Variants in CLPB observed in about 807,000 individuals in gnomAD.
CLPB encodes mitochondrial disaggregase.
CLPB carries 40 observed loss-of-function variants against 78.4 expected under a neutral mutation model. That is an observed-to-expected ratio of 0.51 (90% CI 0.40 to 0.66). The LOEUF is 0.66. CLPB is among the 30% of genes least tolerant of loss of function. The pLI is 0.00. For synonymous variants in CLPB, 333 were observed against 348.0 expected (o/e 0.96, Z 0.48); for missense variants, 780 against 886.9 (o/e 0.88, Z 1.53).
At chr11:72,315,630 C>A (rs1158737969) in intron 7 of CLPB, among the ~76,000 whole-genome samples, 7 of 152,204 alleles carry the variant, frequency 4.6e-5, no homozygotes, top group Admixed American at 3.9e-4. Context: ...CCAGCACTTA[C>A]CAGGGGTTGA....
chr11:72,354,267 G>A (rs1487319777), intron 5 of CLPB: 3 of 365,708 alleles, frequency 8.2e-6, no homozygotes, highest in Admixed American at 4.7e-5. Context: ...TTCCAAAGAT[G>A]TGTGTGTGTG....
chr11:72,295,408 C>T, intron 12 of CLPB, 84 bp downstream of exon 12: 3 of 1,475,422 alleles, frequency 2.0e-6, no homozygotes, highest in Admixed American at 1.8e-5. Context: ...TTCACCTGGG[C>T]CCAGGGCCCC....
At chr11:72,374,400 G>A (rs1951101717) in intron 4 of CLPB, among the ~76,000 whole-genome samples, 1 of 152,172 alleles carries the variant, frequency 6.6e-6, no homozygotes. Context: ...TCAGATATCT[G>A]GTACTGAAGC....
intron 6 of CLPB, among the ~76,000 whole-genome samples, chr11:72,328,133 C>T (rs1351802065): frequency 6.6e-6 from 1 of 152,134 alleles, no homozygotes; most frequent in Non-Finnish European, 1.5e-5. Context: ...GAAAAGGATC[C>T]TCCTTCTAGG....
intron 3 of CLPB, among the ~76,000 whole-genome samples, chr11:72,390,127 T>C (rs1412888867): frequency 3.3e-5 from 5 of 152,080 alleles, no homozygotes; most frequent in African/African-American, 7.2e-5. Flanking sequence ...CAGGCTTTGA[T>C]AGAAATGCTA....
chr11:72,388,647 C>T (rs554272405), intron 3 of CLPB, among the ~76,000 whole-genome samples: 9 of 152,124 alleles, frequency 5.9e-5, no homozygotes, highest in Non-Finnish European at 1.0e-4. Context: ...CCAACAGTGG[C>T]GTCAAACACC....
chr11:72,336,810 TGAGA>T (rs201566339), intron 5 of CLPB: 5 of 334,916 alleles, frequency 1.5e-5, no homozygotes, highest in South Asian at 1.5e-4. Flanking sequence ...AAGGAAACAT[TGAGA>T]GAGAGAGTGG....
At chr11:72,349,645 T>C (rs947136835) in intron 5 of CLPB, among the ~76,000 whole-genome samples, 1 of 152,390 alleles carries the variant, frequency 6.6e-6, no homozygotes, top group African/African-American at 2.4e-5. Context: ...GACATTCTCC[T>C]TTCTTAAAGC....
chr11:72,426,228 T>TA (rs1333505117), intron 2 of CLPB, among the ~76,000 whole-genome samples: 1 of 152,126 alleles, frequency 6.6e-6, no homozygotes, highest in Non-Finnish European at 1.5e-5. Flanking sequence ...GTAGGGGTGT[T>TA]GTCTTTCACC....
chr11:72,373,062 C>T (rs764003014), intron 4 of CLPB: 77 of 1,542,168 alleles, frequency 5.0e-5, no homozygotes, highest in Non-Finnish European at 6.2e-5. Flanking sequence ...CCAGGTCCTG[C>T]AGGCCCTGGA....
intron 6 of CLPB, among the ~76,000 whole-genome samples, chr11:72,318,498 G>A (rs951716355): frequency 3.3e-5 from 5 of 152,164 alleles, no homozygotes; most frequent in African/African-American, 1.2e-4. Flanking sequence ...CAGGTCTTCA[G>A]GAGGCTCCTT....
intron 5 of CLPB, chr11:72,353,164 G>C (rs1054465011): frequency 6.6e-6 from 1 of 152,278 alleles, no homozygotes; most frequent in African/African-American, 2.4e-5. Context: ...CCACTGGAAA[G>C]GATCTTTGCC....
chr11:72,316,740 A>G (rs1278921072), intron 7 of CLPB, among the ~76,000 whole-genome samples: 1 of 152,218 alleles, frequency 6.6e-6, no homozygotes, highest in Non-Finnish European at 1.5e-5. Flanking sequence ...GTGACAGACA[A>G]GCTCCCATCC....
chr11:72,416,101 A>T (rs1190748414), intron 2 of CLPB, among the ~76,000 whole-genome samples: 1 of 152,242 alleles, frequency 6.6e-6, no homozygotes, highest in African/African-American at 2.4e-5. Context: ...ATGACAGCCC[A>T]TCATGTGCCA....
chr11:72,307,263 A>G lies in CLPB; in HGVS notation c.1067-9T>C, dbSNP rs372848873. ...GGCCAGCTCTGTTTTTCCTAGTAAG[A>G]AAGAAGGGGGAGGTGTTGGGTTAGA... On this transcript the variant is annotated splice_polypyrimidine_tract_variant and intron_variant, in intron 8 of 15. Coordinates refer to ENST00000538039, the MANE Select transcript of CLPB (RefSeq NM_001258392.3). 6.8e-6 allele frequency: 11 copies of G among 1,613,826 alleles called. No individual in the cohort carries two copies. Among genetic ancestry groups the G allele is most frequent in the Non-Finnish European group, 7.6e-6 (9 of 1,179,798 alleles).
intron 2 of CLPB, among the ~76,000 whole-genome samples, chr11:72,409,892 G>A (rs996353560): frequency 2.4e-4 from 37 of 151,954 alleles, no homozygotes; most frequent in Admixed American, 2.6e-4. Flanking sequence ...CAGGAGAATC[G>A]CTTGAACCCA....
intron 5 of CLPB, among the ~76,000 whole-genome samples, chr11:72,357,964 A>T (rs1358734982): frequency 6.6e-6 from 1 of 152,160 alleles, no homozygotes; most frequent in Non-Finnish European, 1.5e-5. Flanking sequence ...CAGAGGAGGC[A>T]TGAACAGGCA....
chr11:72,294,629 A>G lies in CLPB; in HGVS notation c.1551T>C (p.Pro517=). The change falls in exon 13 of 16, where the codon CCT becomes CCC. Residue 517 remains proline, a synonymous_variant. Coordinates refer to ENST00000538039, the MANE Select transcript of CLPB (RefSeq NM_001258392.3). ...AAGAAAGACCTCTTACTTTCAGGAT[A>G]GGGCGAATCACATTCTCCTTGAAGT... ...SKNFKENVIR[P]ILKAHFRRDE... 2 of 1,614,054 alleles carry G rather than the reference A, an allele frequency of 1.2e-6. No homozygotes were observed. Among genetic ancestry groups the G allele is most frequent in the Non-Finnish European group, 1.7e-6 (2 of 1,179,874 alleles).
At chr11:72,370,724 G>A (rs1437758224) in intron 4 of CLPB, among the ~76,000 whole-genome samples, 1 of 152,066 alleles carries the variant, frequency 6.6e-6, no homozygotes, top group Non-Finnish European at 1.5e-5. Context: ...GTTTCCTTTA[G>A]TACCTGCATC....
Sources: gnomAD v4.1 joint callset for allele counts (sites outside exome capture counted in the v4.1 genomes callset) on GRCh38, gnomAD v4.1.1 for gene constraint, MANE v1.5 for transcripts, NCBI Gene and HGNC (gene_info 2026-07-23, HGNC 2026-07-21) for gene names.